Variants in NLRP13 observed in about 807,000 individuals in gnomAD.
NLRP13 encodes the protein NLR family pyrin domain containing 13, also known as NACHT, LRR and PYD domains-containing protein 13.
In NLRP13, 82 loss-of-function variants were observed where a neutral mutation model predicts 94.4. The observed-to-expected ratio is 0.87, with a 90% CI of 0.73 to 1.04. The LOEUF (loss-of-function observed/expected upper bound fraction) is 1.04, where lower values mean the gene tolerates loss of function less well. Ranked by LOEUF, NLRP13 falls within the 50% of genes least tolerant of loss-of-function variation. The pLI is 0.00. For missense variants in NLRP13, 1,426 were observed against 1,230.8 expected (o/e 1.16, Z -2.37); for synonymous variants, 553 against 464.7 (o/e 1.19, Z -2.45).
intron 1 of NLRP13, among the ~76,000 whole-genome samples, chr19:55,926,585 G>A (rs1041336178): frequency 6.6e-6 from 1 of 152,176 alleles, no homozygotes; most frequent in African/African-American, 2.4e-5. Context: ...GGTTTACTTA[G>A]TGGTGTCTTT....
chr19:55,915,508 G>C (rs557752504), intron 4 of NLRP13, among the ~76,000 whole-genome samples: 16 of 152,262 alleles, frequency 1.1e-4, no homozygotes, highest in African/African-American at 3.4e-4. Flanking sequence ...TGAGGCAGGA[G>C]AATCACTTGA....
intron 7 of NLRP13, among the ~76,000 whole-genome samples, chr19:55,907,024 A>G (rs765236589): frequency 7.9e-5 from 12 of 152,018 alleles, no homozygotes; most frequent in Non-Finnish European, 1.5e-4. Context: ...CAGTGTCACA[A>G]TCTTGGCTCA....
intron 4 of NLRP13, among the ~76,000 whole-genome samples, chr19:55,916,616 A>C (rs1463039963): frequency 2.0e-5 from 3 of 152,190 alleles, no homozygotes. Context: ...GACAAAGAAG[A>C]GGAAAGAATC....
In NLRP13 at chr19:55,913,142, T is replaced by G. The variant is rs1255731690; in HGVS notation, c.675A>C (p.Arg225Ser). ...CCAAGACTATCGTCTGGGCCTGGGCTCTAGTCCTATTAGGATCCAGTAGGC... is the reference window on the plus strand; with the variant it reads ...CCAAGACTATCGTCTGGGCCTGGGCGCTAGTCCTATTAGGATCCAGTAGGC... ...LQRLLDPNRT[R>S]AQAQTIVLVG... is the part of the protein sequence containing the mutation. The change falls in exon 5 of 11, where the codon AGA (arginine) becomes AGC (serine). Residue 225 changes from arginine to serine, a missense_variant. Physicochemically the swap from Arg to Ser is moderately radical, Grantham distance 110. Coordinates refer to ENST00000342929, the MANE Select transcript of NLRP13 (RefSeq NM_176810.2). 1.5e-5 allele frequency: 24 copies of G among 1,614,168 alleles called. No individual in the cohort carries two copies. The highest frequency in any genetic ancestry group is 2.0e-5 in the Non-Finnish European group (24 of 1,180,030).
Position 55,911,879 on chromosome 19 carries a change from C to A in NLRP13, c.1938G>T (p.Gln646His). The A allele has an allele frequency of 6.2e-7, 1 of 1,614,176 alleles. No homozygotes were observed. Among genetic ancestry groups the A allele is most frequent in the African/African-American group, 1.3e-5 (1 of 75,040 alleles). Residue 646 changes from glutamine to histidine, a missense_variant, in exon 5 of 11, where the codon CAG (glutamine) becomes CAT (histidine). Physicochemically the swap from Gln to His is conservative, Grantham distance 24 (BLOSUM62 0). Transcript: ENST00000342929. Reference sequence around the variant, plus strand: ...ACATCTTCTTTGTGAAGTCTTCCTCCTGGGACTCGTGTAGGCAGTGAAAAA... The same window carrying A: ...ACATCTTCTTTGTGAAGTCTTCCTCATGGGACTCGTGTAGGCAGTGAAAAA... The part of the protein sequence containing the change: ...LRLFHCLHES[Q>H]EEDFTKKMLG...
At chr19:55,923,700 G>A (rs1986896470) in intron 4 of NLRP13, among the ~76,000 whole-genome samples, 1 of 152,168 alleles carries the variant, frequency 6.6e-6, no homozygotes, top group Admixed American at 6.5e-5. Context: ...GTGTCTGAGT[G>A]CATTTTTTCA....
chr19:55,921,519 T>C (rs186810752), intron 4 of NLRP13, among the ~76,000 whole-genome samples: 2 of 152,322 alleles, frequency 1.3e-5, no homozygotes, highest in Admixed American at 1.3e-4. Context: ...TTAATGTTTT[T>C]TAAAAAGCTG....
intron 4 of NLRP13, among the ~76,000 whole-genome samples, 167 bp from the exon 5 acceptor site, chr19:55,913,460 G>C (rs1246206505): frequency 1.3e-5 from 2 of 148,722 alleles, no homozygotes; most frequent in African/African-American, 5.0e-5. Context: ...TGAGGTAGGA[G>C]AATGGCGTGA....
chr19:55,915,491 G>A (rs374365317), intron 4 of NLRP13, among the ~76,000 whole-genome samples: 7 of 152,172 alleles, frequency 4.6e-5, no homozygotes, highest in Middle Eastern at 3.4e-3. Context: ...CCAGCTACTC[G>A]GGAGGCTGAG....
intron 6 of NLRP13, among the ~76,000 whole-genome samples, chr19:55,908,309 ACT>A (rs2123117554): frequency 6.6e-6 from 1 of 152,126 alleles, no homozygotes; most frequent in African/African-American, 2.4e-5. Flanking sequence ...CCCAGCAATA[ACT>A]CTCTTGCATT....
chr19:55,915,709 G>T (rs952060418), intron 4 of NLRP13, among the ~76,000 whole-genome samples: 4 of 152,104 alleles, frequency 2.6e-5, no homozygotes, highest in Non-Finnish European at 4.4e-5. Flanking sequence ...AAAAGGAAGA[G>T]AAGCCAACTC....
chr19:55,892,349 G>A (rs1985875921), downstream of NLRP13, among the ~76,000 whole-genome samples: 1 of 149,356 alleles, frequency 6.7e-6, no homozygotes, highest in Non-Finnish European at 1.5e-5. Flanking sequence ...CCCGTGTCTT[G>A]TCAACAAATA....
At chr19:55,924,140 A>G (rs1424400990) in intron 3 of NLRP13, among the ~76,000 whole-genome samples, 161 bp from the exon 4 acceptor site, 1 of 152,154 alleles carries the variant, frequency 6.6e-6, no homozygotes, top group African/African-American at 2.4e-5. Context: ...TTTATTTTTA[A>G]GAAATGGAGT....
rs754823969 is a variant in NLRP13 at position 55,910,708 on chromosome 19, G to A, written c.2137C>T (p.His713Tyr). 10 of 1,609,042 alleles carry A rather than the reference G, an allele frequency of 6.2e-6. No homozygotes were observed. The highest frequency in any genetic ancestry group is 1.3e-5 in the African/African-American group (1 of 74,850). Residue 713 changes from histidine to tyrosine, a missense_variant, in exon 6 of 11, where the codon CAC becomes TAC. By Grantham distance (83) the His-to-Tyr change is moderately conservative. Coordinates refer to ENST00000342929, the MANE Select transcript of NLRP13 (RefSeq NM_176810.2). ...GTAGAGCAAATGCTGTTCCATGCGT[G>A]CATCCTGGAATCAAACTTGCTTGTC... ...LETSKFDSRMHAWNSICSTLV... is the reference protein window; with the variant it reads ...LETSKFDSRMYAWNSICSTLV...
chr19:55,900,784 A>C (rs923804287), intron 9 of NLRP13, among the ~76,000 whole-genome samples: 1 of 151,578 alleles, frequency 6.6e-6, no homozygotes, highest in Non-Finnish European at 1.5e-5. Context: ...TTAAAAAAAA[A>C]AAAAAAATCT....
chr19:55,904,899 GC>G, intron 8 of NLRP13, 42 bp downstream of exon 8: 1 of 1,518,682 alleles, frequency 6.6e-7, no homozygotes, highest in Non-Finnish European at 9.1e-7. Context: ...AGATATCTGT[GC>G]CCATAGAGTC....
At chr19:55,931,833 T>G (rs530247476) in intron 1 of NLRP13, among the ~76,000 whole-genome samples, 160 bp downstream of exon 1, 1 of 151,842 alleles carries the variant, frequency 6.6e-6, no homozygotes, top group Non-Finnish European at 1.5e-5. Context: ...TAAATCTTTA[T>G]AGCCTTTATG....
At chr19:55,929,294 T>C (rs576026886) in intron 1 of NLRP13, among the ~76,000 whole-genome samples, 7 of 152,320 alleles carry the variant, frequency 4.6e-5, no homozygotes, top group Non-Finnish European at 8.8e-5. Flanking sequence ...CAAAGGATTA[T>C]AAATCATTCT....
chr19:55,903,619 C>A (rs1464469752), intron 8 of NLRP13, among the ~76,000 whole-genome samples: 1 of 152,094 alleles, frequency 6.6e-6, no homozygotes, highest in Non-Finnish European at 1.5e-5. Flanking sequence ...CCAACCCAAA[C>A]TCTTCTTACC....
Sources: gnomAD v4.1 joint callset for allele counts (sites outside exome capture counted in the v4.1 genomes callset) on GRCh38, gnomAD v4.1.1 for gene constraint, MANE v1.5 for transcripts, NCBI Gene and HGNC (gene_info 2026-07-23, HGNC 2026-07-21) for gene names.